The following COL24A1 variants were observed in gnomAD, a reference collection of about 807,000 sequenced individuals.
The protein encoded by COL24A1 is collagen type XXIV alpha 1 chain.
COL24A1 carries 224 observed loss-of-function variants against 253.9 expected under a neutral mutation model. The observed-to-expected ratio is 0.88, with a 90% CI of 0.79 to 0.99. COL24A1 has a LOEUF of 0.99. Among genes scored for constraint, COL24A1 ranks in the 50% least tolerant of loss-of-function variants. The pLI is 0.00. For synonymous variants in COL24A1, 685 were observed against 673.7 expected (o/e 1.02, Z -0.26); for missense variants, 2,131 against 2,068.5 (o/e 1.03, Z -0.59).
At chr1:85,778,538 A>G (rs961901019) in intron 52 of COL24A1, among the ~76,000 whole-genome samples, 2 of 151,882 alleles carry the variant, frequency 1.3e-5, no homozygotes, top group Non-Finnish European at 2.9e-5. Flanking sequence ...ATTCAAATAT[A>G]CTTTCTGTTC....
chr1:86,022,740 C>T, intron 16 of COL24A1, 93 bp downstream of exon 16: 1 of 1,244,946 alleles, frequency 8.0e-7, no homozygotes, highest in African/African-American at 1.5e-5. Context: ...AATTAGACTC[C>T]ATAAAAACAA....
intron 43 of COL24A1, among the ~76,000 whole-genome samples, chr1:85,829,165 T>A (rs1674830906): frequency 6.7e-6 from 1 of 149,240 alleles, no homozygotes; most frequent in African/African-American, 2.5e-5. Flanking sequence ...AAGTATTTTA[T>A]TTCTCCTTCA....
chr1:85,990,126 T>G (rs1418628475), intron 19 of COL24A1, among the ~76,000 whole-genome samples: 2 of 151,914 alleles, frequency 1.3e-5, no homozygotes, highest in Non-Finnish European at 2.9e-5. Context: ...TTGTTTTTTC[T>G]TTTCTTTTCT....
At chr1:86,038,112 C>T (rs1699173123) in intron 12 of COL24A1, among the ~76,000 whole-genome samples, 1 of 151,964 alleles carries the variant, frequency 6.6e-6, no homozygotes, top group African/African-American at 2.4e-5. Context: ...TTTGTCTATA[C>T]TTATGTAAAG....
At chr1:86,022,467 A>T (rs1697634074) in intron 17 of COL24A1, 71 bp downstream of exon 17, 1 of 1,405,952 alleles carries the variant, frequency 7.1e-7, no homozygotes, top group East Asian at 2.4e-5. Context: ...CATGGATAAA[A>T]TAATAAGCAG....
chr1:85,832,346 G>C (rs1203469066), intron 43 of COL24A1, among the ~76,000 whole-genome samples: 7 of 152,032 alleles, frequency 4.6e-5, no homozygotes, highest in Non-Finnish European at 1.0e-4. Flanking sequence ...AGTATAGTTT[G>C]AAGTCAGGTA....
rs1696621253 is a variant in COL24A1, at chr1:86,012,719, GC to G, written c.2310+4431del. Among the ~76,000 whole-genome samples the G allele has an allele frequency of 2.0e-5, 3 of 150,646 alleles. 1 individual carries two copies. The South Asian group carries it at 6.4e-4, about 32-fold the overall frequency. On this transcript the variant is annotated intron_variant, in intron 19 of 59. Coordinates refer to ENST00000370571, the MANE Select transcript of COL24A1 (RefSeq NM_152890.7). The stretch of plus-strand genomic sequence containing the variant: ...ATAAATCAGATCAGATCATGCCTCT[GC>G]CCTATTTAAAGCCTCTCATGGCTTC...
At chr1:86,076,245 C>T (rs1702234046) in intron 7 of COL24A1, among the ~76,000 whole-genome samples, 4 of 152,060 alleles carry the variant, frequency 2.6e-5, no homozygotes, top group South Asian at 2.1e-4. Context: ...TCCTATACAC[C>T]AATAATAGAC....
intron 3 of COL24A1, among the ~76,000 whole-genome samples, chr1:86,121,696 G>A (rs1557708475): frequency 2.0e-5 from 3 of 152,092 alleles, no homozygotes; most frequent in African/African-American, 7.2e-5. Context: ...CAATCATGAT[G>A]ACACGGTTGT....
At chr1:86,007,941 T>A (rs948558781) in intron 19 of COL24A1, among the ~76,000 whole-genome samples, 1 of 152,290 alleles carries the variant, frequency 6.6e-6, no homozygotes, top group Non-Finnish European at 1.5e-5. Flanking sequence ...GAGTGAACAC[T>A]AACACTAATG....
chr1:85,738,800 AC>A (rs1387739798), intron 57 of COL24A1, among the ~76,000 whole-genome samples: 1 of 152,106 alleles, frequency 6.6e-6, no homozygotes, highest in Admixed American at 6.5e-5. Context: ...CTACTATTCT[AC>A]TAATCCCTCT....
rs192897401 is a variant in COL24A1 at position 86,068,947 on chromosome 1, C to T, written c.1708-5188G>A. Among the ~76,000 whole-genome samples the T allele has an allele frequency of 3.3e-5, 5 of 152,246 alleles. No individual in the cohort carries two copies. The East Asian group carries it at 7.7e-4, about 24-fold the overall frequency. Reference sequence around the variant, plus strand: ...TTCATCACCTGTTGACCAAAGAGCCCTTGGGCCCTGAATAACCACCAATGA... The same window carrying T: ...TTCATCACCTGTTGACCAAAGAGCCTTTGGGCCCTGAATAACCACCAATGA... On this transcript the variant is annotated intron_variant, in intron 7 of 59. Coordinates refer to ENST00000370571, the MANE Select transcript of COL24A1 (RefSeq NM_152890.7).
rs72728333 is a variant in COL24A1, at chr1:85,801,208, C to T, written c.3952-14747G>A. Among the ~76,000 whole-genome samples the T allele has an allele frequency of 1.2e-3, 176 of 152,270 alleles. 2 individuals are homozygous for T. Among genetic ancestry groups the T allele is most frequent in the Non-Finnish European group, 2.2e-3 (149 of 68,020 alleles). Reference sequence around the variant, plus strand: ...TTCCTCACAGCTTGGTTCTGGACCTCCTTCCCACTGTTCAACAAAATTTGT... The same window carrying T: ...TTCCTCACAGCTTGGTTCTGGACCTTCTTCCCACTGTTCAACAAAATTTGT... On this transcript the variant is annotated intron_variant, in intron 47 of 59. Transcript: ENST00000370571.
At chr1:85,861,307 C>A (rs1679122116) in intron 37 of COL24A1, among the ~76,000 whole-genome samples, 1 of 152,062 alleles carries the variant, frequency 6.6e-6, no homozygotes, top group South Asian at 2.1e-4. Flanking sequence ...GTCCATTTTT[C>A]ACTTATGTTA....
intron 38 of COL24A1, among the ~76,000 whole-genome samples, chr1:85,848,151 A>C (rs1251766271): frequency 6.6e-6 from 1 of 152,204 alleles, no homozygotes; most frequent in Non-Finnish European, 1.5e-5. Context: ...AGGTCTGTTC[A>C]ATACAAAAAG....
At chr1:85,839,613 T>A (rs1676386927) in intron 42 of COL24A1, among the ~76,000 whole-genome samples, 1 of 151,940 alleles carries the variant, frequency 6.6e-6, no homozygotes, top group Non-Finnish European at 1.5e-5. Flanking sequence ...GGCACGAGCC[T>A]GCAGTCCCAG....
intron 45 of COL24A1, among the ~76,000 whole-genome samples, chr1:85,819,848 CTTTT>C (rs550894402): frequency 7.4e-6 from 1 of 135,860 alleles, no homozygotes; most frequent in African/African-American, 2.7e-5. Context: ...TTCTCTTTTC[CTTTT>C]TTTTTTTTTT....
At chr1:85,917,620 T>C (rs1571210778) in intron 24 of COL24A1, among the ~76,000 whole-genome samples, 1 of 152,088 alleles carries the variant, frequency 6.6e-6, no homozygotes, top group South Asian at 2.1e-4. Flanking sequence ...CCCATTAAGA[T>C]TTCCTATATT....
intron 24 of COL24A1, among the ~76,000 whole-genome samples, chr1:85,934,307 G>A (rs1220371797): frequency 1.3e-5 from 2 of 152,126 alleles, no homozygotes; most frequent in African/African-American, 4.8e-5. Flanking sequence ...TTCAGATGGA[G>A]GAATAGAAAA....
Sources: gnomAD v4.1 joint callset for allele counts (sites outside exome capture counted in the v4.1 genomes callset) on GRCh38, gnomAD v4.1.1 for gene constraint, MANE v1.5 for transcripts, NCBI Gene and HGNC (gene_info 2026-07-23, HGNC 2026-07-21) for gene names.